Variants in FOXP1 observed in about 807,000 individuals in gnomAD.
FOXP1 encodes forkhead box P1.
Under a neutral mutation model 98.2 loss-of-function variants are expected in FOXP1, and 15 were observed. The observed-to-expected ratio is 0.15, with a 90% CI of 0.10 to 0.24. The LOEUF (loss-of-function observed/expected upper bound fraction) is 0.24. FOXP1 is among the 10% of genes least tolerant of loss of function. FOXP1 has a pLI of 1.00. For missense variants in FOXP1, 633 were observed against 848.5 expected (o/e 0.75, Z 3.15); for synonymous variants, 371 against 314.5 (o/e 1.18, Z -1.90).
intron 6 of FOXP1, among the ~76,000 whole-genome samples, chr3:71,138,576 T>TA (rs1349591537): frequency 1.3e-5 from 2 of 152,228 alleles, no homozygotes; most frequent in Non-Finnish European, 2.9e-5. Context: ...CCCCAGTTTT[T>TA]ATAGTAATTA....
intron 5 of FOXP1, among the ~76,000 whole-genome samples, chr3:71,212,899 G>T (rs1161089791): frequency 1.3e-5 from 2 of 151,212 alleles, no homozygotes; most frequent in African/African-American, 4.9e-5. Flanking sequence ...AGAAAATACA[G>T]TATATTTTTA....
intron 4 of FOXP1, among the ~76,000 whole-genome samples, chr3:71,314,461 G>T (rs1459981969): frequency 6.6e-6 from 1 of 151,780 alleles, no homozygotes; most frequent in East Asian, 1.9e-4. Context: ...CCGGGAGGTG[G>T]AGATTGCAGT....
At chr3:70,959,464 G>A in intron 20 of FOXP1, 73 bp from the exon 21 acceptor site, 1 of 1,576,374 alleles carries the variant, frequency 6.3e-7, no homozygotes, top group Non-Finnish European at 8.7e-7. Flanking sequence ...TGAAAAGTTT[G>A]GGGCAACAGA....
At chr3:71,579,992 T>C (rs935896078) in intron 2 of FOXP1, among the ~76,000 whole-genome samples, 1 of 152,092 alleles carries the variant, frequency 6.6e-6, no homozygotes, top group Admixed American at 6.6e-5. Flanking sequence ...AAGATTAGCA[T>C]CTGCAATGGT....
chr3:71,125,467 C>T (rs2059100398), intron 6 of FOXP1, among the ~76,000 whole-genome samples: 1 of 152,000 alleles, frequency 6.6e-6, no homozygotes, highest in Non-Finnish European at 1.5e-5. Context: ...TTAATCTAAA[C>T]CACACAAAAA....
At chr3:71,416,547 AACACACACAC>A (rs55710900) in intron 3 of FOXP1, among the ~76,000 whole-genome samples, 36,201 of 136,650 alleles carry the variant, frequency 0.26, 5,515 homozygotes, top group Non-Finnish European at 0.35. Flanking sequence ...TCTGTCTCAA[AACACACACAC>A]ACACACACAC....
At chr3:71,491,293 G>A (rs1426406736) in intron 3 of FOXP1, among the ~76,000 whole-genome samples, 1 of 152,218 alleles carries the variant, frequency 6.6e-6, no homozygotes, top group Non-Finnish European at 1.5e-5. Flanking sequence ...TGTGATGACA[G>A]GCGTGAGCCA....
At chr3:70,964,784 C>T (rs35040844) in intron 20 of FOXP1, among the ~76,000 whole-genome samples, 45,038 of 152,022 alleles carry the variant, frequency 0.3, 7,329 homozygotes, top group African/African-American at 0.41. Flanking sequence ...AAGATCCTTT[C>T]TGAAGTGCTG....
At chr3:71,389,257 G>GGGGGGGGGGGGT (rs2080854784) in intron 3 of FOXP1, among the ~76,000 whole-genome samples, 1 of 100,088 alleles carries the variant, frequency 1.0e-5, no homozygotes, top group Non-Finnish European at 2.1e-5. Flanking sequence ...GGGGGGCCGG[G>GGGGGGGGGGGGT]GGGGGCGGGT....
rs143202281 is a variant in FOXP1 at position 70,955,832 on chromosome 3, G to GCACACACA, written c.*3407_*3414dup. 4,604 of 221,220 alleles carry GCACACACA rather than the reference G, an allele frequency of 0.021. 126 individuals are homozygous for GCACACACA. Among genetic ancestry groups the GCACACACA allele is most frequent in the African/African-American group, 0.073 (3,237 of 44,126 alleles). 13.7% of individuals were successfully genotyped at this position (221,220 alleles called of 1,614,324 possible). On this transcript the variant is annotated 3_prime_UTR_variant, in exon 21 of 21. Coordinates refer to ENST00000649528, the MANE Select transcript of FOXP1 (RefSeq NM_001349338.3). ...AACAGATTAACACACACGCACGCGC[G>GCACACACA]CACACACACACACACACACACACAA...
At chr3:71,099,182 A>G (rs896437512) in intron 7 of FOXP1, among the ~76,000 whole-genome samples, 1 of 152,208 alleles carries the variant, frequency 6.6e-6, no homozygotes, top group Non-Finnish European at 1.5e-5. Flanking sequence ...TGAACTAAAT[A>G]TAACTTGGAA....
intron 4 of FOXP1, among the ~76,000 whole-genome samples, chr3:71,352,048 G>A (rs1055940741): frequency 6.6e-6 from 1 of 152,166 alleles, no homozygotes; most frequent in African/African-American, 2.4e-5. Context: ...AGATAGCATT[G>A]AAGTATAACA....
chr3:71,268,552 T>C (rs1017707952), intron 5 of FOXP1, among the ~76,000 whole-genome samples: 2 of 129,270 alleles, frequency 1.5e-5, no homozygotes, highest in Non-Finnish European at 3.1e-5. Context: ...ACCATCACTT[T>C]GAGAAAAACA....
At chr3:71,066,572 T>TG (rs2052544369) in intron 7 of FOXP1, among the ~76,000 whole-genome samples, 1 of 152,204 alleles carries the variant, frequency 6.6e-6, no homozygotes, top group Admixed American at 6.5e-5. Flanking sequence ...CCGGAGGGGC[T>TG]GGCAGAGAGC....
chr3:71,167,518 A>C (rs914902201), intron 6 of FOXP1, among the ~76,000 whole-genome samples: 2 of 152,176 alleles, frequency 1.3e-5, no homozygotes, highest in African/African-American at 4.8e-5. Flanking sequence ...ATTTGGTGAA[A>C]GCTAATGTCG....
chr3:71,096,848 G>A (rs982185088), intron 7 of FOXP1, among the ~76,000 whole-genome samples: 8 of 152,074 alleles, frequency 5.3e-5, no homozygotes, highest in Non-Finnish European at 1.2e-4. Context: ...GCCAGCTGTG[G>A]CCATTTTCCT....
intron 5 of FOXP1, among the ~76,000 whole-genome samples, chr3:71,274,445 G>C (rs562504192): frequency 1.3e-5 from 2 of 152,196 alleles, no homozygotes; most frequent in South Asian, 2.1e-4. Context: ...GCTGGAGCTC[G>C]TCACCACCAG....
chr3:71,229,087 AT>A (rs2066078846), intron 5 of FOXP1, among the ~76,000 whole-genome samples: 1 of 151,538 alleles, frequency 6.6e-6, no homozygotes, highest in Non-Finnish European at 1.5e-5. Flanking sequence ...CCCCTATATT[AT>A]ACAAATGCTA....
At chr3:71,060,792 G>A (rs1056591713) in intron 7 of FOXP1, among the ~76,000 whole-genome samples, 2 of 152,126 alleles carry the variant, frequency 1.3e-5, no homozygotes, top group African/African-American at 4.8e-5. Flanking sequence ...TTAAGGGCAA[G>A]ATAAAGCTTA....
Sources: gnomAD v4.1 joint callset for allele counts (sites outside exome capture counted in the v4.1 genomes callset) on GRCh38, gnomAD v4.1.1 for gene constraint, MANE v1.5 for transcripts, NCBI Gene and HGNC (gene_info 2026-07-23, HGNC 2026-07-21) for gene names.